Variants in ST7 observed in about 807,000 individuals in gnomAD.
ST7 encodes the protein suppression of tumorigenicity 7, also known as suppressor of tumorigenicity 7 protein.
A neutral mutation model predicts 78.7 loss-of-function variants in ST7; 28 were observed. The observed-to-expected ratio is 0.36, with a 90% CI of 0.26 to 0.49. The LOEUF is 0.49. ST7 is among the 20% of genes least tolerant of loss of function. The pLI is 0.99. For synonymous variants in ST7, 247 were observed against 249.6 expected, an observed-to-expected ratio of 0.99 and a Z score of 0.10; for missense variants, 418 against 696.0, an observed-to-expected ratio of 0.60 and a Z score of 4.49.
intron 15 of ST7, among the ~76,000 whole-genome samples, chr7:117,222,468 T>A (rs1793161616): frequency 6.6e-6 from 1 of 152,182 alleles, no homozygotes; most frequent in East Asian, 1.9e-4. Context: ...CAAAGATGAT[T>A]TAAATAATTT....
At chr7:117,106,047 G>A (rs141088382) in intron 2 of ST7, among the ~76,000 whole-genome samples, 2,511 of 151,928 alleles carry the variant, frequency 0.017, 68 homozygotes, top group East Asian at 0.12. Flanking sequence ...GCCAGACTGC[G>A]GACTGCAGTG....
In ST7 at chr7:117,119,706, G is replaced by A. The variant is rs753807187; in HGVS notation, c.380G>A (p.Arg127Lys). ...NSSNGDSDSN[R>K]QSVSECKVWR... ...AGTAACGGGGACTCAGATTCCAATAGGCAAAGTGTCTCAGGTATGGAATTT... is the reference window on the plus strand; with the variant it reads ...AGTAACGGGGACTCAGATTCCAATAAGCAAAGTGTCTCAGGTATGGAATTT... Residue 127 changes from arginine to lysine, a missense_variant, in exon 3 of 16, where the codon AGG (arginine) becomes AAG (lysine). Arg to Lys is a conservative substitution (Grantham distance 26). Transcript: ENST00000323984. The A allele has an allele frequency of 6.2e-7, 1 of 1,612,322 alleles. No homozygotes were observed. The highest frequency in any genetic ancestry group is 8.5e-7 in the Non-Finnish European group (1 of 1,179,636).
chr7:117,161,046 T>C (rs1031060218), intron 9 of ST7, among the ~76,000 whole-genome samples: 4 of 151,966 alleles, frequency 2.6e-5, no homozygotes, highest in Admixed American at 2.6e-4. Flanking sequence ...ATCTATTAGA[T>C]CAAATTATTT....
At chr7:117,131,395 T>C (rs563228346) in intron 5 of ST7, among the ~76,000 whole-genome samples, 2 of 151,988 alleles carry the variant, frequency 1.3e-5, no homozygotes, top group Admixed American at 1.3e-4. Context: ...AAATTTGGGA[T>C]ATAAGTACAC....
chr7:117,227,958 A>G (rs1793552394), intron 15 of ST7, among the ~76,000 whole-genome samples: 1 of 152,204 alleles, frequency 6.6e-6, no homozygotes, highest in Admixed American at 6.5e-5. Context: ...CCTGACACGC[A>G]GGGCCCTCCC....
At chr7:117,002,825 T>C (rs1418069367) in intron 1 of ST7, among the ~76,000 whole-genome samples, 2 of 130,774 alleles carry the variant, frequency 1.5e-5, no homozygotes, top group African/African-American at 5.7e-5. Flanking sequence ...TTTTTTTTTT[T>C]TTTTTTTTTT....
intron 8 of ST7, chr7:117,137,455 A>C (rs566829885): frequency 1.3e-5 from 2 of 152,312 alleles, no homozygotes; most frequent in South Asian, 2.1e-4. Context: ...ATAAAATTAC[A>C]TAACCTATAA....
At chr7:117,175,647 T>C (rs1261570853) in intron 10 of ST7, among the ~76,000 whole-genome samples, 1 of 152,144 alleles carries the variant, frequency 6.6e-6, no homozygotes, top group Non-Finnish European at 1.5e-5. Context: ...TTTCTTTCTC[T>C]GGAAATGAGA....
intron 2 of ST7, 68 bp downstream of exon 2, chr7:117,099,912 G>A: frequency 7.8e-7 from 1 of 1,277,772 alleles, no homozygotes; most frequent in South Asian, 1.3e-5. Flanking sequence ...TGTATGTACA[G>A]TAAAAAACTC....
chr7:116,963,891 A>G (rs1057355092), intron 1 of ST7, among the ~76,000 whole-genome samples: 5 of 152,248 alleles, frequency 3.3e-5, no homozygotes, highest in Middle Eastern at 3.4e-3. Flanking sequence ...TCGGCCTCCC[A>G]AAGTGCTGCG....
Position 117,129,824 on chromosome 7 carries a change from A to C in ST7, c.426A>C (p.Leu142Phe). The change falls in exon 4 of 16, where the codon TTA becomes TTC. Residue 142 changes from leucine (L) to phenylalanine (F), a missense_variant. By Grantham distance (22) the Leu-to-Phe change is conservative. Transcript: ENST00000323984. ...ECKVWRNPLN[L>F]FRGAEYNRYT... The stretch of plus-strand genomic sequence containing the variant: ...AAGTATGGCGAAATCCACTAAATTT[A>C]TTTAGGGGTGCTGAATACAATCGGT... 6.2e-7 allele frequency: 1 copy of C among 1,610,800 alleles called. No individual in the cohort carries two copies. The highest frequency in any genetic ancestry group is 1.3e-5 in the African/African-American group (1 of 74,780).
intron 12 of ST7, among the ~76,000 whole-genome samples, chr7:117,206,424 A>C (rs1313609329): frequency 6.6e-6 from 1 of 152,202 alleles, no homozygotes; most frequent in Non-Finnish European, 1.5e-5. Flanking sequence ...TGGGGGTCTT[A>C]TGATTTAGCA....
chr7:117,187,297 G>A (rs1809352966), intron 10 of ST7, among the ~76,000 whole-genome samples: 1 of 152,104 alleles, frequency 6.6e-6, no homozygotes, highest in East Asian at 1.9e-4. Flanking sequence ...ATGGGGAATG[G>A]GGTATTTTCA....
At chr7:117,127,615 A>G (rs1319860090) in intron 3 of ST7, among the ~76,000 whole-genome samples, 1 of 151,962 alleles carries the variant, frequency 6.6e-6, no homozygotes, top group Non-Finnish European at 1.5e-5. Flanking sequence ...CATCTGTTAC[A>G]ATTACTTAGA....
chr7:116,983,181 A>G (rs1288655279), intron 1 of ST7, among the ~76,000 whole-genome samples: 4 of 152,128 alleles, frequency 2.6e-5, no homozygotes, highest in Middle Eastern at 3.2e-3. Flanking sequence ...TACAGGTGTG[A>G]GCCACCACGC....
chr7:117,017,565 G>A (rs1435768559), intron 1 of ST7, among the ~76,000 whole-genome samples: 2 of 152,106 alleles, frequency 1.3e-5, no homozygotes, highest in East Asian at 1.9e-4. Context: ...TTGCAGGCAG[G>A]GGTATTCAGA....
chr7:116,963,761 T>A (rs1161675060), intron 1 of ST7, among the ~76,000 whole-genome samples: 2 of 151,766 alleles, frequency 1.3e-5, no homozygotes, highest in African/African-American at 4.8e-5. Flanking sequence ...GCCTCCTGAG[T>A]AGCTGGGACT....
chr7:117,093,163 A>G (rs1800761262), intron 1 of ST7, among the ~76,000 whole-genome samples: 1 of 152,162 alleles, frequency 6.6e-6, no homozygotes, highest in Admixed American at 6.5e-5. Flanking sequence ...TACTACCCCA[A>G]GCAACTAGAA....
intron 9 of ST7, among the ~76,000 whole-genome samples, chr7:117,166,397 A>G (rs1031773450): frequency 2.0e-5 from 3 of 151,716 alleles, no homozygotes; most frequent in African/African-American, 7.3e-5. Context: ...AAAGGTGACT[A>G]TAGTTTATTA....
Sources: gnomAD v4.1 joint callset for allele counts (sites outside exome capture counted in the v4.1 genomes callset) on GRCh38, gnomAD v4.1.1 for gene constraint, MANE v1.5 for transcripts, NCBI Gene and HGNC (gene_info 2026-07-23, HGNC 2026-07-21) for gene names.